SNTG2: variants seen among roughly 807,000 people sequenced by gnomAD.
The protein encoded by SNTG2 is syntrophin gamma 2.
Under a neutral mutation model 70.9 loss-of-function variants are expected in SNTG2, and 74 were observed. The observed-to-expected ratio is 1.04, with a 90% CI of 0.86 to 1.27. The LOEUF (loss-of-function observed/expected upper bound fraction) is 1.27, where lower values mean the gene tolerates loss of function less well. SNTG2 is among the 50% of genes most tolerant of loss of function. The pLI is 0.00. For missense variants in SNTG2, 717 were observed against 690.7 expected (o/e 1.04, Z -0.43); for synonymous variants, 278 against 273.8 (o/e 1.02, Z -0.15).
intron 9 of SNTG2, among the ~76,000 whole-genome samples, chr2:1,230,748 A>G (rs1243378796): frequency 6.6e-6 from 1 of 152,202 alleles, no homozygotes; most frequent in African/African-American, 2.4e-5. Context: ...CCCCACACTC[A>G]GCAGCTCTTC....
chr2:1,264,497 G>A (rs1273374316), intron 13 of SNTG2, among the ~76,000 whole-genome samples: 9 of 152,212 alleles, frequency 5.9e-5, no homozygotes, highest in African/African-American at 2.2e-4. Context: ...AAGGGATGTT[G>A]CAAGTGCCCC....
At chr2:1,004,911 A>G (rs13432038) in intron 1 of SNTG2, among the ~76,000 whole-genome samples, 3 of 152,212 alleles carry the variant, frequency 2.0e-5, no homozygotes, top group African/African-American at 7.2e-5. Flanking sequence ...ATTATGTATA[A>G]TTGTCAAAAA....
At chr2:1,052,249 C>T (rs1390138591) in intron 1 of SNTG2, among the ~76,000 whole-genome samples, 1 of 152,028 alleles carries the variant, frequency 6.6e-6, no homozygotes, top group Non-Finnish European at 1.5e-5. Flanking sequence ...GGGCCCAGAG[C>T]TTACTTTGTG....
chr2:1,258,108 G>T (rs13009653), intron 12 of SNTG2, among the ~76,000 whole-genome samples: 32,661 of 152,068 alleles, frequency 0.21, 4,882 homozygotes, highest in African/African-American at 0.42. Context: ...CACTGGCCAG[G>T]GTGGGAACGG....
At chr2:1,279,806 C>G (rs953198369) in intron 14 of SNTG2, among the ~76,000 whole-genome samples, 13 of 152,132 alleles carry the variant, frequency 8.5e-5, no homozygotes, top group African/African-American at 2.9e-4. Context: ...CATCCAGCTG[C>G]GAAGCAAAGT....
chr2:1,069,199 A>G (rs4555377), intron 1 of SNTG2, among the ~76,000 whole-genome samples: 26,924 of 152,076 alleles, frequency 0.18, 2,444 homozygotes, highest in South Asian at 0.22. Context: ...TAACACGAAA[A>G]TCGTGTCTGA....
chr2:1,295,474 A>T (rs994361591), intron 14 of SNTG2, among the ~76,000 whole-genome samples: 1 of 152,236 alleles, frequency 6.6e-6, no homozygotes, highest in African/African-American at 2.4e-5. Flanking sequence ...AGAGGCATCT[A>T]TTATAATAAT....
chr2:1,130,006 G>C (rs535862559), intron 4 of SNTG2, among the ~76,000 whole-genome samples: 1 of 152,258 alleles, frequency 6.6e-6, no homozygotes, highest in East Asian at 1.9e-4. Flanking sequence ...TCTTATTGTA[G>C]AGTTCCTGAC....
At chr2:1,103,438 C>G (rs1189906123) in intron 4 of SNTG2, 1 of 258,344 alleles carries the variant, frequency 3.9e-6, no homozygotes, top group Non-Finnish European at 7.6e-6. Flanking sequence ...GGCTGGAGTG[C>G]AGTGGTGAGT....
At chr2:1,194,992 C>T (rs1386509263) in intron 8 of SNTG2, among the ~76,000 whole-genome samples, 2 of 152,100 alleles carry the variant, frequency 1.3e-5, no homozygotes, top group Non-Finnish European at 2.9e-5. Context: ...GTTTTCTGTT[C>T]TTGCGTTAAT....
intron 13 of SNTG2, among the ~76,000 whole-genome samples, chr2:1,261,690 T>C (rs541871477): frequency 2.0e-5 from 3 of 152,298 alleles, no homozygotes; most frequent in East Asian, 1.9e-4. Context: ...AATATTCTCA[T>C]ATGTTTGGCA....
Position 1,151,248 on chromosome 2 carries a change from G to A in SNTG2, c.411+13439G>A, listed in dbSNP as rs375543168. Among the ~76,000 whole-genome samples the A allele has an allele frequency of 5.3e-5, 8 of 151,650 alleles. No individual in the cohort carries two copies. In the South Asian group the frequency reaches 1.3e-3, roughly 25 times the overall value. On this transcript the variant is annotated intron_variant, in intron 6 of 16. Transcript: ENST00000308624. ...CATGTGCAGGCTGAAATCAGGCTGC[G>A]GTCCCATCTGTGCCAGCTCTGGAGT... is the stretch of plus-strand genomic sequence containing the variant.
At chr2:1,172,987 G>T in intron 7 of SNTG2, 105 bp from the exon 8 acceptor site, 1 of 986,228 alleles carries the variant, frequency 1.0e-6, no homozygotes, top group Non-Finnish European at 1.6e-6. Context: ...AGGCATTTTG[G>T]TGCTGGTAAC....
At chr2:1,077,692 A>AAC (rs1202638378) in intron 1 of SNTG2, among the ~76,000 whole-genome samples, 2 of 152,098 alleles carry the variant, frequency 1.3e-5, no homozygotes, top group African/African-American at 4.8e-5. Context: ...CCCGCACACA[A>AAC]ACACACACAC....
chr2:1,183,601 A>G (rs1672068264), intron 8 of SNTG2, among the ~76,000 whole-genome samples: 1 of 152,212 alleles, frequency 6.6e-6, no homozygotes, highest in South Asian at 2.1e-4. Flanking sequence ...AGCAAGTTCA[A>G]AAAATTGATG....
chr2:1,161,278 G>T (rs1218378842), intron 6 of SNTG2: 2 of 146,698 alleles, frequency 1.4e-5, no homozygotes, highest in East Asian at 3.9e-4. Flanking sequence ...CAAAAAAAAA[G>T]AGAGCGCATC....
intron 1 of SNTG2, among the ~76,000 whole-genome samples, chr2:1,075,273 C>T (rs1008688133): frequency 3.3e-5 from 5 of 152,204 alleles, no homozygotes; most frequent in African/African-American, 1.2e-4. Context: ...TGAGTGGGGA[C>T]GACCTGAGTG....
At chr2:1,218,031 C>A (rs1397272368) in intron 9 of SNTG2, among the ~76,000 whole-genome samples, 1 of 151,982 alleles carries the variant, frequency 6.6e-6, no homozygotes, top group African/African-American at 2.4e-5. Flanking sequence ...GAATTCAGTC[C>A]CTTGACTTTA....
In SNTG2 at chr2:1,255,907, AATAT is replaced by A. The variant is rs1221270238; in HGVS notation, c.1006-3455_1006-3452del. ...ATAAATATATATAAATATATATATA[AATAT>A]ATATATAAATATATAAATATATAAA... On this transcript the variant is annotated intron_variant, in intron 12 of 16. Transcript: ENST00000308624. Among the ~76,000 whole-genome samples, 36 of 64,374 alleles carry A rather than the reference AATAT, an allele frequency of 5.6e-4. 1 individual carries two copies. The highest frequency in any genetic ancestry group is 2.3e-3 in the African/African-American group (30 of 13,150). The allele number at this position is 64,374 out of a possible 152,430, so 42.2% of individuals were successfully genotyped here.
Sources: allele counts gnomAD v4.1 joint callset (sites outside exome capture counted in the v4.1 genomes callset), GRCh38; gene constraint gnomAD v4.1.1; transcripts MANE v1.5; gene names NCBI Gene and HGNC (gene_info 2026-07-23, HGNC 2026-07-21).